The following NRXN3 variants were observed in gnomAD, a reference collection of about 807,000 sequenced individuals.
The protein encoded by NRXN3 is neurexin III.
A neutral mutation model predicts 137.6 loss-of-function variants in NRXN3; 32 were observed. The observed-to-expected ratio is 0.23, with a 90% CI of 0.18 to 0.31. The LOEUF is 0.31. NRXN3 is among the 10% of genes least tolerant of loss of function. NRXN3 has a pLI of 1.00. For synonymous variants in NRXN3, 798 were observed against 784.5 expected (o/e 1.02, Z -0.29); for missense variants, 1,574 against 2,062.5 (o/e 0.76, Z 4.59).
intron 10 of NRXN3, among the ~76,000 whole-genome samples, chr14:78,890,191 G>T (rs2099154951): frequency 6.6e-6 from 1 of 151,888 alleles, no homozygotes; most frequent in Non-Finnish European, 1.5e-5. Context: ...TTTAATGGCA[G>T]CCATGAGAAA....
At chr14:79,034,602 G>A (rs4903812) in intron 15 of NRXN3, among the ~76,000 whole-genome samples, 1 of 151,816 alleles carries the variant, frequency 6.6e-6, no homozygotes, top group African/African-American at 2.4e-5. Flanking sequence ...TAAAGTACTA[G>A]GAAAAACAAG....
intron 17 of NRXN3, among the ~76,000 whole-genome samples, chr14:79,676,146 T>C (rs1317757767): frequency 6.6e-6 from 1 of 152,048 alleles, no homozygotes; most frequent in Non-Finnish European, 1.5e-5. Context: ...AGTTCCATTT[T>C]CAAGCCATTG....
chr14:78,424,091 G>A (rs1052476596), intron 4 of NRXN3, among the ~76,000 whole-genome samples: 14 of 152,152 alleles, frequency 9.2e-5, no homozygotes, highest in Admixed American at 2.0e-4. Flanking sequence ...CTACCTTGGC[G>A]GGTGCAGGGG....
intron 19 of NRXN3, among the ~76,000 whole-genome samples, chr14:79,773,809 TA>T (rs1479495977): frequency 1.7e-5 from 2 of 114,846 alleles, no homozygotes; most frequent in South Asian, 5.3e-4. Context: ...TAAATAAAAA[TA>T]AAAAATAAAA....
chr14:79,475,557 G>A (rs1238894402), intron 16 of NRXN3, among the ~76,000 whole-genome samples: 1 of 152,052 alleles, frequency 6.6e-6, no homozygotes, highest in East Asian at 1.9e-4. Context: ...AGCATAAACA[G>A]GCTTGAGAGG....
intron 19 of NRXN3, among the ~76,000 whole-genome samples, chr14:79,769,025 A>G (rs377158119): frequency 7.9e-5 from 12 of 151,976 alleles, no homozygotes; most frequent in East Asian, 3.9e-4. Flanking sequence ...GGGTATCAGC[A>G]ATGGAAGATG....
chr14:79,210,665 A>C (rs2067510402), intron 15 of NRXN3, among the ~76,000 whole-genome samples: 2 of 152,182 alleles, frequency 1.3e-5, no homozygotes, highest in Admixed American at 6.5e-5. Context: ...GATTTCATAT[A>C]GAATTCCTTG....
chr14:78,770,902 A>G (rs2098725501), intron 8 of NRXN3, among the ~76,000 whole-genome samples: 1 of 152,184 alleles, frequency 6.6e-6, no homozygotes, highest in Non-Finnish European at 1.5e-5. Context: ...AAGGCCCTCC[A>G]CTTTAATAAG....
rs562628912 is a variant in NRXN3 at position 79,593,523 on chromosome 14, C to T, written c.3445-70255C>T. Among the ~76,000 whole-genome samples, 20 of 148,776 alleles carry T rather than the reference C, an allele frequency of 1.3e-4. No individual in the cohort carries two copies. The South Asian group carries it at 3.9e-3, about 29-fold the overall frequency. ...GCGGGCGCCTGTAGTCCCAGGTACT[C>T]GGGAGGCTGAGGCGGGAGAATGGCG... On this transcript the variant is annotated intron_variant, in intron 16 of 20. Transcript: ENST00000335750.
chr14:78,206,819 G>A (rs1337492063), intron 1 of NRXN3, among the ~76,000 whole-genome samples: 1 of 152,040 alleles, frequency 6.6e-6, no homozygotes, highest in Non-Finnish European at 1.5e-5. Flanking sequence ...ACAGTGAGTT[G>A]GCCTCCAGGC....
chr14:78,253,662 G>A (rs988288045), intron 2 of NRXN3, among the ~76,000 whole-genome samples: 4 of 152,028 alleles, frequency 2.6e-5, no homozygotes, highest in Non-Finnish European at 5.9e-5. Context: ...GCAACAGAGT[G>A]AGACCCATCT....
At chr14:78,723,115 C>T (rs528384669) in intron 8 of NRXN3, among the ~76,000 whole-genome samples, 5 of 152,152 alleles carry the variant, frequency 3.3e-5, no homozygotes, top group Non-Finnish European at 7.4e-5. Flanking sequence ...ACTTTGCTCT[C>T]CCAACAAGTT....
intron 19 of NRXN3, among the ~76,000 whole-genome samples, chr14:79,795,255 G>A (rs2099157696): frequency 6.6e-6 from 1 of 152,146 alleles, no homozygotes; most frequent in Non-Finnish European, 1.5e-5. Context: ...TATCTAAGAT[G>A]GGTTTATCTA....
intron 15 of NRXN3, among the ~76,000 whole-genome samples, chr14:79,260,171 CAT>C (rs2077380056): frequency 6.6e-6 from 1 of 152,118 alleles, no homozygotes; most frequent in Non-Finnish European, 1.5e-5. Flanking sequence ...AGATGGGACT[CAT>C]GTTCTCTCAT....
In NRXN3 at chr14:79,477,835, C is replaced by T. The variant is rs372686949; in HGVS notation, c.3444+10433C>T. Among the ~76,000 whole-genome samples the T allele has an allele frequency of 2.0e-4, 30 of 152,084 alleles. No homozygotes were observed. In the East Asian group the frequency reaches 5.4e-3, roughly 27 times the overall value. Reference sequence around the variant, plus strand: ...CCAAAGAACAGTTCAGAGATTGAATCGGCAGGTGTTGTCAGCAGGTTGGAT... The same window carrying T: ...CCAAAGAACAGTTCAGAGATTGAATTGGCAGGTGTTGTCAGCAGGTTGGAT... On this transcript the variant is annotated intron_variant, in intron 16 of 20. Transcript: ENST00000335750.
At chr14:78,285,850 G>T (rs77424828) in intron 3 of NRXN3, among the ~76,000 whole-genome samples, 1 of 152,182 alleles carries the variant, frequency 6.6e-6, no homozygotes, top group Non-Finnish European at 1.5e-5. Context: ...CCTCCATTGC[G>T]TGTAATTAGA....
intron 15 of NRXN3, among the ~76,000 whole-genome samples, chr14:79,125,488 T>C (rs1343036478): frequency 6.6e-6 from 1 of 152,200 alleles, no homozygotes; most frequent in Non-Finnish European, 1.5e-5. Context: ...ACAACAACTT[T>C]TGCAGGAAGC....
intron 15 of NRXN3, among the ~76,000 whole-genome samples, chr14:79,334,234 G>GA (rs1454958459): frequency 6.6e-6 from 1 of 152,082 alleles, no homozygotes; most frequent in African/African-American, 2.4e-5. Flanking sequence ...ATGGTGCTAT[G>GA]AAAAAAATAA....
chr14:79,152,430 C>CATG, intron 15 of NRXN3, among the ~76,000 whole-genome samples: 1 of 152,128 alleles, frequency 6.6e-6, no homozygotes, highest in Non-Finnish European at 1.5e-5. Context: ...CTACTCCCCA[C>CATG]CATTGACACA....
Sources: allele counts gnomAD v4.1 joint callset (sites outside exome capture counted in the v4.1 genomes callset), GRCh38; gene constraint gnomAD v4.1.1; transcripts MANE v1.5; gene names NCBI Gene and HGNC (gene_info 2026-07-23, HGNC 2026-07-21).